Variants in BMPR1B observed in about 807,000 individuals in gnomAD.
The protein encoded by BMPR1B is bone morphogenetic protein receptor type 1B, also known as bone morphogenetic protein receptor type-1B.
Under a neutral mutation model 59.1 loss-of-function variants are expected in BMPR1B, and 12 were observed. The ratio of observed to expected loss-of-function variants is 0.20; its 90% CI spans 0.13 to 0.33. The LOEUF is 0.33. Among genes scored for constraint, BMPR1B ranks in the 10% least tolerant of loss-of-function variants. The pLI, the probability that BMPR1B is intolerant of heterozygous loss-of-function variation, is 1.00. For synonymous variants in BMPR1B, 237 were observed against 207.3 expected (o/e 1.14, Z -1.23); for missense variants, 550 against 610.9 (o/e 0.90, Z 1.05).
intron 2 of BMPR1B, among the ~76,000 whole-genome samples, chr4:94,983,336 TG>T (rs1721218257): frequency 6.6e-6 from 1 of 152,218 alleles, no homozygotes; most frequent in Non-Finnish European, 1.5e-5. Flanking sequence ...CCTGACACGC[TG>T]CTTCACCATC....
At chr4:94,778,552 T>C (rs1407753757) in intron 1 of BMPR1B, among the ~76,000 whole-genome samples, 1 of 152,202 alleles carries the variant, frequency 6.6e-6, no homozygotes, top group Non-Finnish European at 1.5e-5. Flanking sequence ...GTATTAACTC[T>C]TGGTGCACCA....
At chr4:95,090,163 A>G (rs1729875098) in intron 3 of BMPR1B, among the ~76,000 whole-genome samples, 1 of 152,080 alleles carries the variant, frequency 6.6e-6, no homozygotes, top group Non-Finnish European at 1.5e-5. Flanking sequence ...TACATATCCT[A>G]TGCATATTTT....
intron 1 of BMPR1B, among the ~76,000 whole-genome samples, chr4:94,851,932 C>G (rs566321371): frequency 7.2e-5 from 11 of 152,256 alleles, no homozygotes; most frequent in African/African-American, 2.4e-4. Flanking sequence ...CACTCAGTGC[C>G]TGGCATAATG....
intron 2 of BMPR1B, among the ~76,000 whole-genome samples, chr4:94,925,747 A>G (rs756820804): frequency 4.6e-5 from 7 of 152,164 alleles, no homozygotes; most frequent in Non-Finnish European, 8.8e-5. Context: ...ACTTGAACCA[A>G]CTATTCAAAA....
At chr4:94,844,961 A>C (rs1222969027) in intron 1 of BMPR1B, among the ~76,000 whole-genome samples, 1 of 152,196 alleles carries the variant, frequency 6.6e-6, no homozygotes, top group African/African-American at 2.4e-5. Flanking sequence ...CTTCAAGGAA[A>C]ATCCAGAGAG....
chr4:95,080,940 G>A (rs1463701403), intron 3 of BMPR1B, among the ~76,000 whole-genome samples: 2 of 152,132 alleles, frequency 1.3e-5, no homozygotes, highest in Middle Eastern at 3.2e-3. Context: ...TTATTGATAT[G>A]GTTTGGCTAT....
intron 1 of BMPR1B, among the ~76,000 whole-genome samples, chr4:94,832,702 G>A (rs921418599): frequency 6.6e-5 from 10 of 152,160 alleles, no homozygotes; most frequent in Admixed American, 6.5e-4. Flanking sequence ...AGAATTCCTT[G>A]AACTCAGGAA....
chr4:94,874,262 A>G (rs117855392), intron 1 of BMPR1B, among the ~76,000 whole-genome samples: 2,494 of 152,254 alleles, frequency 0.016, 45 homozygotes, highest in East Asian at 0.083. Context: ...TGCAGTGAAC[A>G]TGGGTGTGCA....
chr4:94,816,054 CTCTT>C (rs1723997841), intron 1 of BMPR1B, among the ~76,000 whole-genome samples: 1 of 149,814 alleles, frequency 6.7e-6, no homozygotes. Flanking sequence ...TTGTTGTTTT[CTCTT>C]TCTTTTACTT....
At chr4:94,899,298 A>G (rs1448116429) in intron 2 of BMPR1B, among the ~76,000 whole-genome samples, 1 of 151,876 alleles carries the variant, frequency 6.6e-6, no homozygotes, top group African/African-American at 2.4e-5. Flanking sequence ...TTTTTAAAAT[A>G]ACATAACACT....
intron 9 of BMPR1B, 77 bp from the exon 10 acceptor site, chr4:95,131,138 G>C: frequency 7.0e-7 from 1 of 1,424,772 alleles, no homozygotes; most frequent in Non-Finnish European, 9.7e-7. Context: ...CTATGACAAA[G>C]AATGATGTTT....
intron 3 of BMPR1B, among the ~76,000 whole-genome samples, chr4:95,081,020 T>C (rs1157419134): frequency 1.3e-5 from 2 of 152,080 alleles, no homozygotes; most frequent in African/African-American, 4.8e-5. Flanking sequence ...AGGGACCCAG[T>C]AGGAGGTAAT....
intron 3 of BMPR1B, among the ~76,000 whole-genome samples, chr4:95,096,144 T>C (rs1425471712): frequency 2.0e-5 from 3 of 151,334 alleles, no homozygotes; most frequent in African/African-American, 7.2e-5. Context: ...GTTATATACA[T>C]TAAAGAAGTT....
chr4:94,803,092 A>T (rs990466000), intron 1 of BMPR1B, among the ~76,000 whole-genome samples: 2 of 151,838 alleles, frequency 1.3e-5, no homozygotes, highest in African/African-American at 4.8e-5. Flanking sequence ...GTTCTTCTTC[A>T]TTTCTCTCAT....
rs1735560534 is a variant in BMPR1B at position 95,158,360 on chromosome 4, C to A, written c.*3687C>A. ...TAATTATTCAGGACTAGGGAACAAA[C>A]AATTGTATTGTATTTGTTACAGATT... is the stretch of plus-strand genomic sequence containing the variant. On this transcript the variant is annotated 3_prime_UTR_variant, in exon 13 of 13. Coordinates refer to ENST00000515059, the MANE Select transcript of BMPR1B (RefSeq NM_001203.3). 6.6e-6 allele frequency: 1 copy of A among 152,122 alleles called. No homozygotes were observed. Among genetic ancestry groups the A allele is most frequent in the Non-Finnish European group, 1.5e-5 (1 of 68,022 alleles). 9.4% of individuals were successfully genotyped at this position (152,122 alleles called of 1,614,324 possible).
At chr4:94,769,042 T>C (rs116829255) in intron 1 of BMPR1B, among the ~76,000 whole-genome samples, 334 of 152,338 alleles carry the variant, frequency 2.2e-3, no homozygotes, top group African/African-American at 7.5e-3. Flanking sequence ...GTTTGAAAGC[T>C]GTTATGCATT....
At chr4:94,879,308 A>G (rs1726866367) in intron 2 of BMPR1B, among the ~76,000 whole-genome samples, 1 of 152,234 alleles carries the variant, frequency 6.6e-6, no homozygotes, top group African/African-American at 2.4e-5. Context: ...ATTAATGAAA[A>G]GTGTCAAGTA....
At chr4:94,823,492 G>C (rs932310866) in intron 1 of BMPR1B, among the ~76,000 whole-genome samples, 3 of 152,174 alleles carry the variant, frequency 2.0e-5, no homozygotes, top group Non-Finnish European at 4.4e-5. Flanking sequence ...GGAGGAGCCA[G>C]TGTCTGGAAA....
At chr4:94,885,896 G>C (rs1347825828) in intron 2 of BMPR1B, among the ~76,000 whole-genome samples, 3 of 152,174 alleles carry the variant, frequency 2.0e-5, no homozygotes, top group Non-Finnish European at 2.9e-5. Flanking sequence ...ACAGTGAAAG[G>C]ATGTACTTGG....
Sources: allele counts gnomAD v4.1 joint callset (sites outside exome capture counted in the v4.1 genomes callset), GRCh38; gene constraint gnomAD v4.1.1; transcripts MANE v1.5; gene names NCBI Gene and HGNC (gene_info 2026-07-23, HGNC 2026-07-21).